Variants in TDRKH observed in about 807,000 individuals in gnomAD.
The protein encoded by TDRKH is tudor and KH domain containing, also known as tudor and KH domain-containing protein.
Under a neutral mutation model 61.3 loss-of-function variants are expected in TDRKH, and 28 were observed. The observed-to-expected ratio is 0.46, with a 90% CI of 0.34 to 0.63. The LOEUF (loss-of-function observed/expected upper bound fraction) is 0.63. Among genes scored for constraint, TDRKH ranks in the 20% least tolerant of loss-of-function variants. The pLI is 0.01. For synonymous variants in TDRKH, 219 were observed against 244.4 expected (o/e 0.90, Z 0.97); for missense variants, 540 against 683.4 (o/e 0.79, Z 2.34).
downstream of TDRKH, chr1:151,767,645 A>G (rs1437805199): frequency 1.0e-5 from 3 of 294,848 alleles, no homozygotes; most frequent in Admixed American, 9.4e-5. Context: ...TCATATTGCA[A>G]TAACAAGCCT....
chr1:151,776,636 C>T (rs1649213004), intron 6 of TDRKH, 37 bp from the exon 7 acceptor site: 1 of 1,605,286 alleles, frequency 6.2e-7, no homozygotes, highest in Admixed American at 1.7e-5. Context: ...CACATCAGAC[C>T]CATCTCTGGT....
downstream of TDRKH, among the ~76,000 whole-genome samples, chr1:151,769,155 C>T (rs1164968985): frequency 1.3e-5 from 2 of 152,020 alleles, no homozygotes; most frequent in African/African-American, 4.8e-5. Flanking sequence ...GTCATCATGG[C>T]CCATTCTCAA....
intron 3 of TDRKH, 75 bp downstream of exon 3, chr1:151,781,406 G>A (rs1006978965): frequency 3.3e-6 from 4 of 1,202,542 alleles, no homozygotes; most frequent in Non-Finnish European, 4.8e-6. Context: ...GTGATATGGG[G>A]TCAGTGGAAG....
chr1:151,781,328 A>AATATAT lies in TDRKH; in HGVS notation c.231+147_231+152dup, dbSNP rs60652277. ...GCGAAACTCCATCTCAAAAAAAAAA[A>AATATAT]ATATATATATATATATTTTATATAT... On this transcript the variant is annotated intron_variant, in intron 3 of 12. Transcript: ENST00000368824. Among the ~76,000 whole-genome samples the AATATAT allele has an allele frequency of 7.3e-4, 50 of 68,590 alleles. 3 individuals carry two copies. Among genetic ancestry groups the AATATAT allele is most frequent in the South Asian group, 6.7e-3 (18 of 2,680 alleles). 45.0% of individuals were successfully genotyped at this position (68,590 alleles called of 152,430 possible).
In TDRKH at chr1:151,776,420, T is replaced by G. The variant is rs1313788353; in HGVS notation, c.1044+19A>C. 1 of 1,613,564 alleles carries G rather than the reference T, an allele frequency of 6.2e-7. No individual in the cohort carries two copies. Among genetic ancestry groups the G allele is most frequent in the South Asian group, 1.1e-5 (1 of 91,052 alleles). Reference sequence around the variant, plus strand: ...CCTTCTTTTCATTAAACCCCAGCCCTGTCCCTATGGCAACTCACCACACTA... The same window carrying G: ...CCTTCTTTTCATTAAACCCCAGCCCGGTCCCTATGGCAACTCACCACACTA... On this transcript the variant is annotated intron_variant, in intron 7 of 12. Coordinates refer to ENST00000368824, the MANE Select transcript of TDRKH (RefSeq NM_001083965.2).
downstream of TDRKH, chr1:151,767,434 T>C (rs1648404678): frequency 1.4e-6 from 2 of 1,460,016 alleles, no homozygotes; most frequent in Admixed American, 5.0e-5. Context: ...AAAAGCTACT[T>C]GCTATATAGA....
downstream of TDRKH, among the ~76,000 whole-genome samples, chr1:151,768,678 C>T (rs1648462719): frequency 6.6e-6 from 1 of 151,928 alleles, no homozygotes; most frequent in South Asian, 2.1e-4. Flanking sequence ...TTTTTTTTCC[C>T]AGTATTTATT....
In TDRKH at chr1:151,779,140, T is replaced by A; in HGVS notation, c.524A>T (p.Lys175Ile). 1 of 1,614,158 alleles carries A rather than the reference T, an allele frequency of 6.2e-7. No homozygotes were observed. The highest frequency in any genetic ancestry group is 1.1e-5 in the South Asian group (1 of 91,062). Reference sequence around the variant, plus strand: ...CACTTCCTTCTGTGTTCCTGAGATTTTTATAAGTCTTGATAGTAGTAATGT... The same window carrying A: ...CACTTCCTTCTGTGTTCCTGAGATTATTATAAGTCTTGATAGTAGTAATGT... ...EGTLLLSRLI[K>I]ISGTQKEVAA... Residue 175 changes from lysine to isoleucine, a missense_variant, in exon 5 of 13, where the codon AAA becomes ATA. Transcript: ENST00000368824.
chr1:151,786,217 G>T (rs1650303279), intron 1 of TDRKH, among the ~76,000 whole-genome samples: 1 of 152,218 alleles, frequency 6.6e-6, no homozygotes, highest in African/African-American at 2.4e-5. Context: ...ATATAGTCAG[G>T]TAAGGGAGGC....
downstream of TDRKH, chr1:151,766,590 T>C: frequency 2.1e-6 from 2 of 962,776 alleles, no homozygotes; most frequent in Non-Finnish European, 3.1e-6. Flanking sequence ...AGTGGAGTCC[T>C]GAGGTGACAT....
chr1:151,767,616 T>A, downstream of TDRKH: 1 of 326,162 alleles, frequency 3.1e-6, no homozygotes, highest in African/African-American at 2.1e-5. Context: ...GGATCTGGAA[T>A]CCAGAACTTG....
chr1:151,781,819 G>A, intron 2 of TDRKH: 1 of 505,824 alleles, frequency 2.0e-6, no homozygotes, highest in Non-Finnish European at 3.6e-6. Flanking sequence ...AATGGGAAAA[G>A]CAGATTCTGC....
At chr1:151,769,822 C>T (rs577616086), downstream of TDRKH, among the ~76,000 whole-genome samples, 16 of 152,350 alleles carry the variant, frequency 1.1e-4, no homozygotes, top group Admixed American at 1.0e-3. Context: ...TCTGCAATCC[C>T]GGCACCTCAG....
At chr1:151,768,365 T>A, downstream of TDRKH, 1 of 1,340,880 alleles carries the variant, frequency 7.5e-7, no homozygotes, top group Non-Finnish European at 1.0e-6. Flanking sequence ...CAGACAAGCC[T>A]GTGAGCTGAG....
chr1:151,775,572 G>A (rs1045491966), intron 9 of TDRKH, 29 bp from the exon 10 acceptor site: 1 of 1,605,590 alleles, frequency 6.2e-7, no homozygotes, highest in Non-Finnish European at 8.5e-7. Context: ...GGTTACTGCT[G>A]ATAGGGGTGG....
chr1:151,789,477 CCA>C (rs1650685509), intron 1 of TDRKH, among the ~76,000 whole-genome samples: 1 of 152,086 alleles, frequency 6.6e-6, no homozygotes, highest in African/African-American at 2.4e-5. Flanking sequence ...GAACTTAAGA[CCA>C]CAGTTTCTAG....
rs762956421 is a variant in TDRKH, at chr1:151,776,086, CA to C, written c.1217+9del. The C allele has an allele frequency of 4.3e-6, 7 of 1,610,158 alleles. No homozygotes were observed. The South Asian group carries it at 7.7e-5, about 18-fold the overall frequency. ...TCAGCAGTTGGGATTGAGCTGACCTCAGCACTGACCTGAGAGCCCTGAGGTC... is the reference window on the plus strand; with the variant it reads ...TCAGCAGTTGGGATTGAGCTGACCTCGCACTGACCTGAGAGCCCTGAGGTC... On this transcript the variant is annotated intron_variant, in intron 8 of 12. Coordinates refer to ENST00000368824, the MANE Select transcript of TDRKH (RefSeq NM_001083965.2).
At position 151,775,453 on chromosome 1, in the gene TDRKH, T is replaced by C. The variant is rs1423477198; in HGVS notation, c.1373A>G (p.Tyr458Cys). ...CCAAGTTGAGATCCCAGTCTGGACA[T>C]AGCTAGAGATCTTGGCTACCAGAGG... ...WKPLVAKISS[Y>C]VQTGISTWPK... The change falls in exon 10 of 13, where the codon TAT becomes TGT. Residue 458 changes from tyrosine to cysteine, a missense_variant. By Grantham distance (194) the Tyr-to-Cys change is radical. This residue lies in a region of TDRKH where 379 missense variants were observed against 443.8 expected (regional missense o/e 0.85). Coordinates refer to ENST00000368824, the MANE Select transcript of TDRKH (RefSeq NM_001083965.2). The C allele has an allele frequency of 5.0e-6, 8 of 1,614,186 alleles. No homozygotes were observed. The highest frequency in any genetic ancestry group is 3.3e-5 in the South Asian group (3 of 91,078).
At position 151,780,003 on chromosome 1, in the gene TDRKH, G is replaced by A. The variant is rs1173033693; in HGVS notation, c.369C>T (p.Thr123=). 1.2e-6 allele frequency: 2 copies of A among 1,614,098 alleles called. No individual in the cohort carries two copies. The highest frequency in any genetic ancestry group is 8.5e-7 in the Non-Finnish European group (1 of 1,179,966). Residue 123 remains threonine, a synonymous_variant, in exon 4 of 13, where the codon ACC becomes ACT. Transcript: ENST00000368824. ...GAACTGAAAGCTGCTCAGACACTGG[G>A]GTATTCTCTGTCAGGATCTGATGGA... ...AAIHQILTEN[T]PVSEQLSVPQ...
Sources: allele counts gnomAD v4.1 joint callset (sites outside exome capture counted in the v4.1 genomes callset), GRCh38; gene constraint gnomAD v4.1.1; regional missense constraint gnomAD v4.1.1; transcripts MANE v1.5; gene names NCBI Gene and HGNC (gene_info 2026-07-23, HGNC 2026-07-21).